Variants in PCNP observed in about 807,000 individuals in gnomAD.
The protein encoded by PCNP is PEST proteolytic signal containing nuclear protein.
PCNP carries 6 observed loss-of-function variants against 21.8 expected under a neutral mutation model. That is an observed-to-expected ratio of 0.28 (90% CI 0.15 to 0.54). The LOEUF is 0.54. PCNP is among the 20% of genes least tolerant of loss of function. PCNP has a pLI of 0.95. For synonymous variants in PCNP, 67 were observed against 73.2 expected (o/e 0.92, Z 0.43); for missense variants, 161 against 215.5 (o/e 0.75, Z 1.58).
chr3:101,578,494 T>C lies in PCNP; in HGVS notation c.65-1296T>C, dbSNP rs1935048059. Among the ~76,000 whole-genome samples, 4 of 152,222 alleles carry C rather than the reference T, an allele frequency of 2.6e-5. No individual in the cohort carries two copies. The South Asian group carries it at 8.3e-4, about 31-fold the overall frequency. ...CTCAAGCAGCCATTTCAGTGCTATC[T>C]TTGTCTCTTAGGGAAATCCCAAAAC... On this transcript the variant is annotated intron_variant, in intron 1 of 4. Coordinates refer to ENST00000265260, the MANE Select transcript of PCNP (RefSeq NM_020357.3).
rs147368977 is a variant in PCNP at position 101,585,391 on chromosome 3, T to C, written c.280-46T>C. 17 of 1,072,952 alleles carry C rather than the reference T, an allele frequency of 1.6e-5. No individual in the cohort carries two copies. The East Asian group carries it at 3.6e-4, about 23-fold the overall frequency. The allele number at this position is 1,072,952 out of a possible 1,614,324, so 66.5% of individuals were successfully genotyped here. ...ATTCATATCATTAAACAAGCTTGTATAAATGTTATCTACATGATATTCTTT... is the reference window on the plus strand; with the variant it reads ...ATTCATATCATTAAACAAGCTTGTACAAATGTTATCTACATGATATTCTTT... On this transcript the variant is annotated intron_variant, in intron 2 of 4. Coordinates refer to ENST00000265260, the MANE Select transcript of PCNP (RefSeq NM_020357.3).
chr3:101,577,569 A>G (rs1934992171), intron 1 of PCNP, among the ~76,000 whole-genome samples: 1 of 152,182 alleles, frequency 6.6e-6, no homozygotes, highest in Non-Finnish European at 1.5e-5. Context: ...CTGTCGCCCA[A>G]GCTGGAATGT....
chr3:101,580,900 C>T (rs920039761), intron 2 of PCNP, among the ~76,000 whole-genome samples: 8 of 152,112 alleles, frequency 5.3e-5, no homozygotes, highest in African/African-American at 1.7e-4. Flanking sequence ...TGGTTACATT[C>T]TTGTGTGAGG....
chr3:101,583,817 ATT>A (rs564200727), intron 2 of PCNP, among the ~76,000 whole-genome samples: 14 of 104,058 alleles, frequency 1.3e-4, no homozygotes, highest in Non-Finnish European at 1.1e-4. Context: ...TATCCAGCTA[ATT>A]TTTTTTTTTT....
At chr3:101,577,185 G>A (rs1329577044) in intron 1 of PCNP, among the ~76,000 whole-genome samples, 1 of 152,124 alleles carries the variant, frequency 6.6e-6, no homozygotes, top group Non-Finnish European at 1.5e-5. Flanking sequence ...TAAATAATAG[G>A]GTAAAATTGG....
intron 4 of PCNP, 110 bp from the exon 5 acceptor site, chr3:101,592,517 C>T (rs1303726177): frequency 2.5e-6 from 2 of 795,806 alleles, no homozygotes; most frequent in Non-Finnish European, 3.9e-6. Context: ...TTCCAGTGTT[C>T]AGTCTGTGTT....
chr3:101,578,815 C>A (rs1264334124), intron 1 of PCNP, among the ~76,000 whole-genome samples: 1 of 152,112 alleles, frequency 6.6e-6, no homozygotes, highest in Non-Finnish European at 1.5e-5. Flanking sequence ...TCTTCTTTTT[C>A]TCCATAAATA....
intron 3 of PCNP, among the ~76,000 whole-genome samples, chr3:101,589,343 A>G (rs1345874974): frequency 6.6e-6 from 1 of 152,076 alleles, no homozygotes; most frequent in Non-Finnish European, 1.5e-5. Context: ...AAAAACTTAT[A>G]TTTGAAAGGA....
chr3:101,579,646 A>G, intron 1 of PCNP, 144 bp from the exon 2 acceptor site: 1 of 727,424 alleles, frequency 1.4e-6, no homozygotes, highest in Non-Finnish European at 2.6e-6. Context: ...TGTATACTCT[A>G]ACAAACAGTG....
intron 1 of PCNP, among the ~76,000 whole-genome samples, chr3:101,579,101 A>G (rs1354570039): frequency 2.6e-5 from 4 of 152,024 alleles, no homozygotes; most frequent in Admixed American, 1.3e-4. Flanking sequence ...TCTTTCATGA[A>G]AAAAACTAAC....
chr3:101,574,287 C>A lies in PCNP; in HGVS notation c.64+8C>A, dbSNP rs1319098736. The A allele has an allele frequency of 1.9e-6, 3 of 1,543,408 alleles. No homozygotes were observed. In the Admixed American group the frequency reaches 6.0e-5, roughly 31 times the overall value. On this transcript the variant is annotated splice_region_variant and intron_variant, in intron 1 of 4. Transcript: ENST00000265260. ...GAGCTGGAGCCGCCGGAGGTGAACA[C>A]AACCCCAGCGTCGTGGGCAGCGTGG...
chr3:101,583,917 G>C (rs1935364863), intron 2 of PCNP, among the ~76,000 whole-genome samples: 1 of 143,980 alleles, frequency 6.9e-6, no homozygotes, highest in East Asian at 2.2e-4. Flanking sequence ...ACTTGCCTTA[G>C]CCTCCCAAAG....
intron 3 of PCNP, among the ~76,000 whole-genome samples, chr3:101,586,198 T>G (rs563749052): frequency 3.1e-5 from 4 of 127,676 alleles, no homozygotes; most frequent in African/African-American, 5.9e-5. Context: ...AAAAAAAAAA[T>G]GTCAACTATT....
intron 3 of PCNP, among the ~76,000 whole-genome samples, chr3:101,587,722 T>C (rs1339273566): frequency 6.6e-6 from 1 of 151,556 alleles, no homozygotes; most frequent in Non-Finnish European, 1.5e-5. Context: ...TTAAATAATA[T>C]TTGAAGTTTC....
intron 2 of PCNP, among the ~76,000 whole-genome samples, chr3:101,585,151 C>A (rs1263599891): frequency 1.8e-4 from 28 of 152,302 alleles, no homozygotes; most frequent in Non-Finnish European, 8.8e-5. Flanking sequence ...TTTTCTCTTG[C>A]CTGTACCAAG....
intron 1 of PCNP, chr3:101,576,614 C>T: frequency 1.2e-6 from 2 of 1,611,388 alleles, no homozygotes; most frequent in Non-Finnish European, 1.7e-6. Context: ...TTCAGTCGCT[C>T]CAGGTCTTCA....
At chr3:101,586,170 CAAAAAAAA>C (rs10529220) in intron 3 of PCNP, among the ~76,000 whole-genome samples, 218 of 97,546 alleles carry the variant, frequency 2.2e-3, no homozygotes, top group Middle Eastern at 0.011. Context: ...GTCTCTGTCT[CAAAAAAAA>C]AAAAAAAAAA....
Position 101,583,817 on chromosome 3 carries a change from A to ATT in PCNP, c.280-1596_280-1595dup, listed in dbSNP as rs564200727. On this transcript the variant is annotated intron_variant, in intron 2 of 4. Transcript: ENST00000265260. ...TGTGCATCACCACCATATCCAGCTA[A>ATT]TTTTTTTTTTTTTTTTTTTTTTTTT... Among the ~76,000 whole-genome samples, 436 of 104,042 alleles carry ATT rather than the reference A, an allele frequency of 4.2e-3. 8 individuals carry two copies. The highest frequency in any genetic ancestry group is 0.029 in the East Asian group (102 of 3,492). The allele number at this position is 104,042 out of a possible 152,430, so 68.3% of individuals were successfully genotyped here. A position where few individuals can be genotyped will look rare whatever the true frequency, so the allele number is the denominator to read the frequency against.
intron 1 of PCNP, chr3:101,576,725 G>A (rs1576603892): frequency 6.2e-7 from 1 of 1,611,868 alleles, no homozygotes. Flanking sequence ...TTGTACTGGC[G>A]TGGATTCTGC....
Sources: allele counts gnomAD v4.1 joint callset (sites outside exome capture counted in the v4.1 genomes callset), GRCh38; gene constraint gnomAD v4.1.1; transcripts MANE v1.5; gene names NCBI Gene and HGNC (gene_info 2026-07-23, HGNC 2026-07-21).